The following SDK1 variants were observed in gnomAD, a reference collection of about 807,000 sequenced individuals.
The protein encoded by SDK1 is protein sidekick-1.
A neutral mutation model predicts 245.5 loss-of-function variants in SDK1; 157 were observed. The ratio of observed to expected loss-of-function variants is 0.64; its 90% CI spans 0.56 to 0.73. The LOEUF is 0.73. SDK1 is among the 30% of genes least tolerant of loss of function. The pLI, the probability that SDK1 is intolerant of heterozygous loss-of-function variation, is 0.00. For missense variants in SDK1, 3,583 were observed against 3,002.3 expected, an observed-to-expected ratio of 1.19 and a Z score of -4.52; for synonymous variants, 1,647 against 1,278.5, an observed-to-expected ratio of 1.29 and a Z score of -6.15.
intron 1 of SDK1, among the ~76,000 whole-genome samples, chr7:3,587,472 T>G (rs1024293876): frequency 1.3e-5 from 2 of 152,086 alleles, no homozygotes; most frequent in African/African-American, 4.8e-5. Context: ...GGGTACAGGT[T>G]CCAGTATGAG....
Position 3,499,793 on chromosome 7 carries a change from A to C in SDK1, c.299-119287A>C, listed in dbSNP as rs142052649. On this transcript the variant is annotated intron_variant, in intron 1 of 44. Transcript: ENST00000404826. ...GTGGAAGTTAGTGGCCAAGGGCAAGAATGGGTCCTGGGAAACACAGGGCTT... is the reference window on the plus strand; with the variant it reads ...GTGGAAGTTAGTGGCCAAGGGCAAGCATGGGTCCTGGGAAACACAGGGCTT... Among the ~76,000 whole-genome samples the C allele has an allele frequency of 2.2e-3, 337 of 152,284 alleles. 2 individuals are homozygous for C. Among genetic ancestry groups the C allele is most frequent in the Admixed American group, 1.4e-3 (22 of 15,294 alleles).
Position 3,691,081 on chromosome 7 carries a change from C to G in SDK1, c.713+48976C>G, listed in dbSNP as rs572818872. The stretch of plus-strand genomic sequence containing the variant: ...TTATTAGAGAAAAATACTCATTTCT[C>G]ATTTTCTTATCATTTGACAGGAAGC... On this transcript the variant is annotated intron_variant, in intron 4 of 44. Transcript: ENST00000404826. Among the ~76,000 whole-genome samples the G allele has an allele frequency of 4.6e-5, 7 of 152,306 alleles. No individual in the cohort carries two copies. In the South Asian group the frequency reaches 6.2e-4, roughly 14 times the overall value.
chr7:4,244,892 T>C (rs1417718506), intron 43 of SDK1, among the ~76,000 whole-genome samples: 1 of 152,192 alleles, frequency 6.6e-6, no homozygotes, highest in African/African-American at 2.4e-5. Context: ...TCCCCTGCCA[T>C]GGGGTCCTCT....
At chr7:3,911,518 A>G (rs1392029724) in intron 5 of SDK1, among the ~76,000 whole-genome samples, 2 of 152,156 alleles carry the variant, frequency 1.3e-5, no homozygotes, top group Non-Finnish European at 2.9e-5. Context: ...TACCTGAGGA[A>G]GGGCACTAAT....
At chr7:3,848,627 G>C (rs1325366081) in intron 5 of SDK1, among the ~76,000 whole-genome samples, 2 of 151,834 alleles carry the variant, frequency 1.3e-5, no homozygotes, top group African/African-American at 2.4e-5. Context: ...GAACATAGAA[G>C]ACCACCACCC....
intron 17 of SDK1, among the ~76,000 whole-genome samples, chr7:4,028,341 G>A (rs994849467): frequency 1.3e-5 from 2 of 152,120 alleles, no homozygotes; most frequent in Non-Finnish European, 2.9e-5. Flanking sequence ...TTGTACCCAC[G>A]GAGGATCAGT....
chr7:3,943,406 C>T (rs889228355), intron 5 of SDK1, among the ~76,000 whole-genome samples: 7 of 142,790 alleles, frequency 4.9e-5, no homozygotes, highest in African/African-American at 7.9e-5. Flanking sequence ...CCTCCTCCTC[C>T]GTCCTCCCCA....
At chr7:3,776,883 T>C (rs1449554339) in intron 4 of SDK1, among the ~76,000 whole-genome samples, 1 of 152,132 alleles carries the variant, frequency 6.6e-6, no homozygotes, top group African/African-American at 2.4e-5. Flanking sequence ...GTGAAACTTC[T>C]CAAAATCTCC....
At chr7:3,331,250 G>T (rs901367298) in intron 1 of SDK1, among the ~76,000 whole-genome samples, 2 of 152,078 alleles carry the variant, frequency 1.3e-5, no homozygotes, top group African/African-American at 4.8e-5. Context: ...GCAACAAAGC[G>T]AGACTCTGTC....
chr7:3,913,976 C>T (rs1202283940), intron 5 of SDK1, among the ~76,000 whole-genome samples: 1 of 152,180 alleles, frequency 6.6e-6, no homozygotes, highest in Admixed American at 6.5e-5. Flanking sequence ...ACCATACTCC[C>T]TTCCCTGATG....
intron 20 of SDK1, among the ~76,000 whole-genome samples, chr7:4,076,453 C>T (rs759518170): frequency 7.2e-5 from 11 of 152,210 alleles, no homozygotes; most frequent in East Asian, 1.9e-4. Flanking sequence ...CTACTCAGGA[C>T]GCTGAGGTGG....
At chr7:3,307,069 A>G (rs1184053473) in intron 1 of SDK1, among the ~76,000 whole-genome samples, 4 of 152,230 alleles carry the variant, frequency 2.6e-5, no homozygotes, top group African/African-American at 7.2e-5. Context: ...TTTATTTACA[A>G]AAGAAAGCTA....
At chr7:3,370,692 A>G (rs944767921) in intron 1 of SDK1, among the ~76,000 whole-genome samples, 3 of 152,230 alleles carry the variant, frequency 2.0e-5, no homozygotes, top group Non-Finnish European at 4.4e-5. Context: ...ACAGATTGCG[A>G]ATGGTCTTGG....
chr7:3,673,810 T>G (rs1346855710), intron 4 of SDK1, among the ~76,000 whole-genome samples: 2 of 152,206 alleles, frequency 1.3e-5, no homozygotes, highest in Non-Finnish European at 2.9e-5. Flanking sequence ...GACATACACA[T>G]TGGTTTTGTT....
intron 4 of SDK1, among the ~76,000 whole-genome samples, chr7:3,720,298 C>T (rs1785330296): frequency 6.6e-6 from 1 of 151,536 alleles, no homozygotes; most frequent in South Asian, 2.1e-4. Context: ...AAACTGCAGA[C>T]ATGGAAAAAA....
chr7:3,512,127 C>G (rs536968428), intron 1 of SDK1, among the ~76,000 whole-genome samples: 1 of 152,010 alleles, frequency 6.6e-6, no homozygotes, highest in Middle Eastern at 3.4e-3. Context: ...GTTATCTCTT[C>G]CCTCTAACCC....
At chr7:3,327,292 C>T (rs1256487275) in intron 1 of SDK1, among the ~76,000 whole-genome samples, 1 of 152,118 alleles carries the variant, frequency 6.6e-6, no homozygotes, top group Non-Finnish European at 1.5e-5. Flanking sequence ...TGAATGGAGA[C>T]AGCTATCTGC....
At chr7:4,134,203 T>C (rs748824331) in intron 28 of SDK1, among the ~76,000 whole-genome samples, 4 of 152,214 alleles carry the variant, frequency 2.6e-5, no homozygotes, top group Non-Finnish European at 5.9e-5. Context: ...TTTGCCTCTT[T>C]CTTTATGTGA....
intron 4 of SDK1, among the ~76,000 whole-genome samples, chr7:3,740,137 C>T (rs1484934986): frequency 6.6e-6 from 1 of 152,068 alleles, no homozygotes; most frequent in East Asian, 1.9e-4. Context: ...TGCTGGCAGG[C>T]AGTTTACAAC....
Sources: gnomAD v4.1 joint callset for allele counts (sites outside exome capture counted in the v4.1 genomes callset) on GRCh38, gnomAD v4.1.1 for gene constraint, MANE v1.5 for transcripts, NCBI Gene and HGNC (gene_info 2026-07-23, HGNC 2026-07-21) for gene names.